The following GPR158 variants were observed in gnomAD, a reference collection of about 807,000 sequenced individuals.
GPR158 encodes metabotropic glycine receptor.
Under a neutral mutation model 78.2 loss-of-function variants are expected in GPR158, and 30 were observed. The ratio of observed to expected loss-of-function variants is 0.38; its 90% confidence interval spans 0.29 to 0.52. The LOEUF (loss-of-function observed/expected upper bound fraction) is 0.52, where lower values mean the gene tolerates loss of function less well. Among genes scored for constraint, GPR158 ranks in the 20% least tolerant of loss-of-function variants. The probability of loss-of-function intolerance (pLI) is 0.83; values close to 1 mark genes in which losing one functional copy is unlikely to be tolerated. For missense variants in GPR158, 1,463 were observed against 1,523.5 expected (o/e 0.96, Z 0.66); for synonymous variants, 581 against 591.1 (o/e 0.98, Z 0.25).
intron 5 of GPR158, among the ~76,000 whole-genome samples, chr10:25,538,701 A>T (rs187072899): frequency 6.6e-6 from 1 of 152,208 alleles, no homozygotes; most frequent in East Asian, 1.9e-4. Flanking sequence ...CATAACTGCT[A>T]TCACACTGTA....
At chr10:25,376,770 C>T (rs1419229244) in intron 2 of GPR158, among the ~76,000 whole-genome samples, 1 of 151,594 alleles carries the variant, frequency 6.6e-6, no homozygotes, top group Non-Finnish European at 1.5e-5. Flanking sequence ...GTGTATACAT[C>T]CTGAATTAGC....
At chr10:25,548,548 G>T (rs1348822033) in intron 5 of GPR158, among the ~76,000 whole-genome samples, 1 of 152,050 alleles carries the variant, frequency 6.6e-6, no homozygotes, top group Non-Finnish European at 1.5e-5. Flanking sequence ...GAAGTATTTT[G>T]TTGCTGTGCC....
intron 4 of GPR158, among the ~76,000 whole-genome samples, chr10:25,414,888 C>G (rs1834638560): frequency 6.6e-6 from 1 of 152,098 alleles, no homozygotes; most frequent in African/African-American, 2.4e-5. Flanking sequence ...TGTGCAGACT[C>G]ATGAGCCAGA....
At chr10:25,541,312 A>G (rs766099199) in intron 5 of GPR158, among the ~76,000 whole-genome samples, 6 of 152,108 alleles carry the variant, frequency 3.9e-5, no homozygotes, top group Non-Finnish European at 8.8e-5. Flanking sequence ...CATATTCTGG[A>G]TAACAGCACT....
intron 5 of GPR158, among the ~76,000 whole-genome samples, chr10:25,541,864 T>C (rs1836590336): frequency 6.6e-6 from 1 of 150,386 alleles, no homozygotes; most frequent in Non-Finnish European, 1.5e-5. Context: ...ATAGCAAACC[T>C]GGGGATGAGC....
chr10:25,308,383 T>C (rs7905719), intron 2 of GPR158, among the ~76,000 whole-genome samples: 16 of 151,950 alleles, frequency 1.1e-4, no homozygotes, highest in Non-Finnish European at 2.4e-4. Context: ...CTCCCACTTG[T>C]GAGAACATGT....
At chr10:25,221,225 G>A in intron 2 of GPR158, 68 bp downstream of exon 2, 1 of 816,316 alleles carries the variant, frequency 1.2e-6, no homozygotes, top group Non-Finnish European at 2.0e-6. Flanking sequence ...TTATATTTGT[G>A]TGGGTAAATG....
intron 4 of GPR158, among the ~76,000 whole-genome samples, chr10:25,457,364 C>T (rs1835304988): frequency 6.6e-6 from 1 of 151,690 alleles, no homozygotes; most frequent in Non-Finnish European, 1.5e-5. Flanking sequence ...TTTTATGTTA[C>T]TTTATTTAAG....
chr10:25,288,797 T>C (rs1384095005), intron 2 of GPR158, among the ~76,000 whole-genome samples: 1 of 152,220 alleles, frequency 6.6e-6, no homozygotes, highest in East Asian at 1.9e-4. Flanking sequence ...TTTGTTCTGC[T>C]AAGCTTTAAA....
At chr10:25,462,405 T>C (rs947875923) in intron 4 of GPR158, among the ~76,000 whole-genome samples, 1 of 152,228 alleles carries the variant, frequency 6.6e-6, no homozygotes, top group East Asian at 1.9e-4. Context: ...TAATGTTGTT[T>C]TCATGCCCAC....
chr10:25,373,648 T>A (rs1834036329), intron 2 of GPR158, among the ~76,000 whole-genome samples: 2 of 151,912 alleles, frequency 1.3e-5, no homozygotes, highest in African/African-American at 2.4e-5. Flanking sequence ...TCAAAATGTT[T>A]TCAATTTCCT....
intron 4 of GPR158, among the ~76,000 whole-genome samples, chr10:25,448,076 C>A (rs977652138): frequency 2.8e-5 from 4 of 143,118 alleles, no homozygotes; most frequent in Non-Finnish European, 6.0e-5. Flanking sequence ...TCTTTTGTGT[C>A]TGACTTCTTT....
intron 4 of GPR158, among the ~76,000 whole-genome samples, chr10:25,425,313 G>A (rs1834804646): frequency 6.6e-6 from 1 of 152,042 alleles, no homozygotes; most frequent in South Asian, 2.1e-4. Context: ...GTGTAAAAGT[G>A]TTCTCTTTTC....
rs1021445216 is a variant in GPR158, at chr10:25,411,913, G to A, written c.1112-337G>A. Among the ~76,000 whole-genome samples, 23 of 109,404 alleles carry A rather than the reference G, an allele frequency of 2.1e-4. 1 individual carries two copies. The highest frequency in any genetic ancestry group is 7.1e-4 in the Admixed American group (5 of 7,060). The allele number at this position is 109,404 out of a possible 152,430, so 71.8% of individuals were successfully genotyped here. On this transcript the variant is annotated intron_variant, in intron 3 of 10. Coordinates refer to ENST00000376351, the MANE Select transcript of GPR158 (RefSeq NM_020752.3). ...CGCGCCACTGCACTCCAGCCTGGGCGACAGAGCGAGACTCTATCACAAAAA... is the reference window on the plus strand; with the variant it reads ...CGCGCCACTGCACTCCAGCCTGGGCAACAGAGCGAGACTCTATCACAAAAA...
Position 25,598,707 on chromosome 10 carries a change from G to A in GPR158, c.3081G>A (p.Lys1027=), listed in dbSNP as rs568780422. 9.3e-6 allele frequency: 15 copies of A among 1,613,928 alleles called. No homozygotes were observed. The African/African-American group carries it at 1.2e-4, about 13-fold the overall frequency. ...GPVPSESKVQ[K]HVSIVASEME... ...TGCCTTCAGAATCAAAAGTTCAAAA[G>A]CACGTATCTATTGTGGCTTCTGAAA... The change falls in exon 11 of 11, where the codon AAG becomes AAA. Residue 1027 remains lysine (K), a synonymous_variant. Transcript: ENST00000376351.
chr10:25,338,535 TTATA>T (rs1186475223), intron 2 of GPR158, among the ~76,000 whole-genome samples: 4 of 145,882 alleles, frequency 2.7e-5, no homozygotes, highest in Admixed American at 6.9e-5. Context: ...ATTACGTATA[TTATA>T]TATACGTAAT....
chr10:25,493,758 A>T (rs1835842496), intron 5 of GPR158, among the ~76,000 whole-genome samples: 2 of 152,234 alleles, frequency 1.3e-5, no homozygotes, highest in South Asian at 4.1e-4. Context: ...CTATAGTAAA[A>T]TATCATTTGA....
intron 4 of GPR158, among the ~76,000 whole-genome samples, chr10:25,439,167 A>G (rs1194001368): frequency 6.6e-6 from 1 of 152,210 alleles, no homozygotes; most frequent in African/African-American, 2.4e-5. Flanking sequence ...TTTACAAAAG[A>G]AAGAGATTTA....
At chr10:25,275,473 G>T (rs752955630) in intron 2 of GPR158, among the ~76,000 whole-genome samples, 17 of 152,268 alleles carry the variant, frequency 1.1e-4, no homozygotes, top group Non-Finnish European at 1.8e-4. Context: ...AATAGCAGAA[G>T]AAATAAATTA....
Sources: allele counts gnomAD v4.1 joint callset (sites outside exome capture counted in the v4.1 genomes callset), GRCh38; gene constraint gnomAD v4.1.1; transcripts MANE v1.5; gene names NCBI Gene and HGNC (gene_info 2026-07-23, HGNC 2026-07-21).